The following FAM81A variants were observed in gnomAD, a reference collection of about 807,000 sequenced individuals.
FAM81A encodes the protein family with sequence similarity 81 member A.
In FAM81A, 19 loss-of-function variants were observed where a neutral mutation model predicts 46.7. The observed-to-expected ratio is 0.41, with a 90% CI of 0.28 to 0.60. The LOEUF (loss-of-function observed/expected upper bound fraction) is 0.60, where lower values mean the gene tolerates loss of function less well. Ranked by LOEUF, FAM81A falls within the 20% of genes least tolerant of loss-of-function variation. The probability of loss-of-function intolerance (pLI) is 0.34; values close to 1 mark genes in which losing one functional copy is unlikely to be tolerated. For synonymous variants in FAM81A, 183 were observed against 152.9 expected (o/e 1.20, Z -1.45); for missense variants, 377 against 453.5 (o/e 0.83, Z 1.53).
chr15:59,469,303 A>G (rs1255416093), intron 3 of FAM81A, among the ~76,000 whole-genome samples: 1 of 152,166 alleles, frequency 6.6e-6, no homozygotes, highest in African/African-American at 2.4e-5. Flanking sequence ...TAATATTGAC[A>G]GTGGGGTGTT....
intron 2 of FAM81A, among the ~76,000 whole-genome samples, chr15:59,403,972 C>T (rs2081083402): frequency 1.3e-5 from 2 of 151,678 alleles, no homozygotes; most frequent in South Asian, 4.2e-4. Context: ...CAACCTCTGC[C>T]TCCTGGGTTC....
intron 3 of FAM81A, among the ~76,000 whole-genome samples, chr15:59,467,044 C>G (rs1344770540): frequency 6.6e-6 from 1 of 151,986 alleles, no homozygotes; most frequent in Non-Finnish European, 1.5e-5. Flanking sequence ...TCTGAGGCCT[C>G]TGTTCTGTTC....
At chr15:59,479,711 A>G (rs916224926) in intron 3 of FAM81A, among the ~76,000 whole-genome samples, 4 of 151,846 alleles carry the variant, frequency 2.6e-5, no homozygotes, top group African/African-American at 9.7e-5. Context: ...CACGTTTAAG[A>G]AGCAGAAAGG....
chr15:59,476,832 T>C (rs1596506253), intron 3 of FAM81A, among the ~76,000 whole-genome samples: 1 of 148,562 alleles, frequency 6.7e-6, no homozygotes. Context: ...AATATAAAAC[T>C]GATACTTGGC....
At chr15:59,401,981 T>A (rs909841007) in intron 1 of FAM81A, 6 of 690,772 alleles carry the variant, frequency 8.7e-6, no homozygotes, top group Non-Finnish European at 1.6e-5. Context: ...TACAGTGTAA[T>A]TCAATATATT....
At chr15:59,403,044 G>A (rs1168468305) in intron 2 of FAM81A, among the ~76,000 whole-genome samples, 2 of 78,114 alleles carry the variant, frequency 2.6e-5, no homozygotes, top group Non-Finnish European at 6.4e-5. Flanking sequence ...ATTTATATAG[G>A]TTCTAGTTCA....
chr15:59,435,889 A>G (rs1382186357), upstream of FAM81A, among the ~76,000 whole-genome samples: 1 of 152,208 alleles, frequency 6.6e-6, no homozygotes, highest in African/African-American at 2.4e-5. Context: ...TTTCGTTGCA[A>G]TTTAGCCTAC....
At chr15:59,512,073 A>C (rs963354432) in intron 6 of FAM81A, among the ~76,000 whole-genome samples, 4 of 152,278 alleles carry the variant, frequency 2.6e-5, no homozygotes, top group African/African-American at 9.6e-5. Flanking sequence ...AATGAAAATG[A>C]ATTCACTACA....
At chr15:59,425,952 C>A (rs911147654) in intron 2 of FAM81A, among the ~76,000 whole-genome samples, 3 of 152,176 alleles carry the variant, frequency 2.0e-5, no homozygotes, top group South Asian at 2.1e-4. Context: ...TCAAACTGAA[C>A]TTAAAAGTCA....
intron 2 of FAM81A, chr15:59,407,345 A>C (rs1289304936): frequency 8.0e-6 from 1 of 125,214 alleles, no homozygotes; most frequent in African/African-American, 3.0e-5. Context: ...CCCAGGCTGG[A>C]GTGCAGTGGC....
intron 8 of FAM81A, 133 bp from the exon 9 acceptor site, chr15:59,521,121 C>A: frequency 1.0e-6 from 1 of 994,228 alleles, no homozygotes; most frequent in Non-Finnish European, 1.4e-6. Flanking sequence ...TGTTCCCCAT[C>A]ATACTTTCAT....
chr15:59,479,126 A>C (rs2081812269), intron 3 of FAM81A, among the ~76,000 whole-genome samples: 1 of 152,224 alleles, frequency 6.6e-6, no homozygotes, highest in Admixed American at 6.5e-5. Context: ...TGGGGTGTAC[A>C]GGCAGTCAAT....
intron 2 of FAM81A, among the ~76,000 whole-genome samples, chr15:59,423,425 A>G (rs1320225413): frequency 1.3e-5 from 2 of 152,172 alleles, no homozygotes; most frequent in Non-Finnish European, 2.9e-5. Flanking sequence ...TTAACTTTTG[A>G]TAGAAAAGGA....
intron 3 of FAM81A, among the ~76,000 whole-genome samples, chr15:59,479,519 G>GAAAAAAAAAAAAAAAAAAAA (rs57107735): frequency 2.8e-5 from 2 of 72,676 alleles, no homozygotes; most frequent in Non-Finnish European, 4.9e-5. Flanking sequence ...TCAAAAATAA[G>GAAAAAAAAAAAAAAAAAAAA]AAAAAAAAAA....
intron 1 of FAM81A, among the ~76,000 whole-genome samples, chr15:59,448,680 T>C (rs1399206054): frequency 1.3e-5 from 2 of 152,186 alleles, no homozygotes; most frequent in Non-Finnish European, 2.9e-5. Flanking sequence ...TTAGTTTTTT[T>C]AGAGACAAGA....
rs1249037748 is a variant in FAM81A, at chr15:59,432,172, G to A, written c.-77-26378G>A. Among the ~76,000 whole-genome samples the A allele has an allele frequency of 2.6e-5, 4 of 152,006 alleles. No individual in the cohort carries two copies. The South Asian group carries it at 6.2e-4, about 24-fold the overall frequency. On this transcript the variant is annotated intron_variant, in intron 2 of 4. Transcript: ENST00000558348. ...CCTGGCAGGCATGTACTCATAAAGCGCTCGTTTCAGTTTAATTAATTAAGA... is the reference window on the plus strand; with the variant it reads ...CCTGGCAGGCATGTACTCATAAAGCACTCGTTTCAGTTTAATTAATTAAGA...
At chr15:59,479,519 GAAAAAAAAAAAA>G (rs57107735) in intron 3 of FAM81A, among the ~76,000 whole-genome samples, 1 of 72,676 alleles carries the variant, frequency 1.4e-5, no homozygotes, top group Non-Finnish European at 2.4e-5. Flanking sequence ...TCAAAAATAA[GAAAAAAAAAAAA>G]AAAAAAAAAA....
intron 7 of FAM81A, 76 bp downstream of exon 7, chr15:59,514,500 G>T: frequency 2.0e-6 from 3 of 1,478,568 alleles, no homozygotes; most frequent in Non-Finnish European, 2.7e-6. Flanking sequence ...ATAATACCTA[G>T]TAATTTATCA....
At chr15:59,470,031 T>A (rs1480872766) in intron 3 of FAM81A, among the ~76,000 whole-genome samples, 2 of 152,218 alleles carry the variant, frequency 1.3e-5, no homozygotes, top group African/African-American at 4.8e-5. Flanking sequence ...TGTTGATTAT[T>A]GGCCCCCACT....
Sources: allele counts gnomAD v4.1 joint callset (sites outside exome capture counted in the v4.1 genomes callset), GRCh38; gene constraint gnomAD v4.1.1; transcripts MANE v1.5; gene names NCBI Gene and HGNC (gene_info 2026-07-23, HGNC 2026-07-21).